USH2A: variants seen among roughly 807,000 people sequenced by gnomAD.
The protein encoded by USH2A is usherin.
Under a neutral mutation model 538.9 loss-of-function variants are expected in USH2A, and 443 were observed. The observed-to-expected ratio is 0.82, with a 90% CI of 0.76 to 0.89. The LOEUF (loss-of-function observed/expected upper bound fraction) is 0.89. USH2A is among the 40% of genes least tolerant of loss of function. The probability of loss-of-function intolerance (pLI) is 0.00; values close to 1 mark genes in which losing one functional copy is unlikely to be tolerated. For synonymous variants in USH2A, 2,413 were observed against 2,273.5 expected (o/e 1.06, Z -1.75); for missense variants, 6,633 against 6,324.8 (o/e 1.05, Z -1.65).
rs114298653 is a variant in USH2A, at chr1:215,709,270, C to T, written c.12066+18760G>A. ...TTTTCTTGATAATTTTATCTATTTC[C>T]ACTCCTTTAAAAATGTCTATTTCTA... On this transcript the variant is annotated intron_variant, in intron 61 of 71. Coordinates refer to ENST00000307340, the MANE Select transcript of USH2A (RefSeq NM_206933.4). 4.0e-3 allele frequency among the ~76,000 whole-genome samples: 609 copies of T among 152,102 alleles called. 3 individuals carry two copies. Among genetic ancestry groups the T allele is most frequent in the African/African-American group, 0.014 (579 of 41,492 alleles).
At chr1:216,082,270 C>A (rs989111952) in intron 26 of USH2A, among the ~76,000 whole-genome samples, 1 of 152,062 alleles carries the variant, frequency 6.6e-6, no homozygotes, top group Non-Finnish European at 1.5e-5. Context: ...ATAGACATTA[C>A]GTTTCAGCGA....
chr1:216,306,969 G>A (rs977488722), intron 9 of USH2A, among the ~76,000 whole-genome samples: 2 of 152,156 alleles, frequency 1.3e-5, no homozygotes, highest in Non-Finnish European at 2.9e-5. Context: ...AGGGTCCTTT[G>A]TTGTATTTTT....
At chr1:216,316,692 G>A (rs1024287593) in intron 9 of USH2A, among the ~76,000 whole-genome samples, 4 of 152,180 alleles carry the variant, frequency 2.6e-5, no homozygotes, top group African/African-American at 7.2e-5. Context: ...TGACTGGCAT[G>A]AGCTGGTATC....
intron 71 of USH2A, among the ~76,000 whole-genome samples, chr1:215,626,397 C>G (rs1479409914): frequency 6.6e-6 from 1 of 151,408 alleles, no homozygotes; most frequent in Non-Finnish European, 1.5e-5. Context: ...CTCCTGACCT[C>G]TGGTGATCTG....
intron 21 of USH2A, among the ~76,000 whole-genome samples, chr1:216,134,242 A>G (rs1253569920): frequency 6.6e-6 from 1 of 152,128 alleles, no homozygotes; most frequent in Non-Finnish European, 1.5e-5. Flanking sequence ...TTCTTCTCAT[A>G]TTTCTTATTT....
rs773106206 is a variant in USH2A at position 215,878,815 on chromosome 1, T to C, written c.8507A>G (p.Tyr2836Cys). ...TGGTGGTTGCCAAGAAATCACAACA[T>C]ATGATTCACTTAGTGGAATCACAGA... Reference protein sequence around the residue: ...PLSVIPLSESYVVISWQPPSK... With the variant: ...PLSVIPLSESCVVISWQPPSK... The change falls in exon 42 of 72, where the codon TAT becomes TGT. Residue 2836 changes from tyrosine (Y) to cysteine (C), a missense_variant. Physicochemically the swap from Tyr to Cys is radical, Grantham distance 194 (BLOSUM62 -2). Transcript: ENST00000307340. The C allele has an allele frequency of 6.2e-7, 1 of 1,614,028 alleles. No individual in the cohort carries two copies. The highest frequency in any genetic ancestry group is 8.5e-7 in the Non-Finnish European group (1 of 1,179,952).
At chr1:215,939,943 A>G (rs903634962) in intron 37 of USH2A, among the ~76,000 whole-genome samples, 1 of 152,114 alleles carries the variant, frequency 6.6e-6, no homozygotes, top group African/African-American at 2.4e-5. Flanking sequence ...GTACAGTATC[A>G]TAACACACAC....
At chr1:215,634,003 C>T (rs1180909769) in intron 70 of USH2A, among the ~76,000 whole-genome samples, 7 of 152,162 alleles carry the variant, frequency 4.6e-5, no homozygotes, top group Non-Finnish European at 1.0e-4. Flanking sequence ...GCCCCTTCCT[C>T]CCCATCTCCG....
chr1:215,935,503 C>T (rs556374087), intron 37 of USH2A, among the ~76,000 whole-genome samples: 1 of 152,066 alleles, frequency 6.6e-6, no homozygotes, highest in African/African-American at 2.4e-5. Context: ...ACTTTTAATA[C>T]ATCCTCACCC....
At chr1:216,048,736 A>C in intron 30 of USH2A, 89 bp from the exon 31 acceptor site, 1 of 1,078,504 alleles carries the variant, frequency 9.3e-7, no homozygotes, top group Non-Finnish European at 1.4e-6. Context: ...TGTGTCTATA[A>C]GAGAGAGAGA....
chr1:215,993,319 TAACA>T lies in USH2A; in HGVS notation c.6658-156_6658-153del, dbSNP rs2102476970. ...ATAAATTCATTTCAGTGTTAAGATTTAACATTTATTTAATTTGCTTTTTAAGACA... is the reference window on the plus strand; with the variant it reads ...ATAAATTCATTTCAGTGTTAAGATTTTTTATTTAATTTGCTTTTTAAGACA... On this transcript the variant is annotated intron_variant, in intron 34 of 71. Transcript: ENST00000307340. The T allele has an allele frequency of 4.0e-6, 5 of 1,243,466 alleles. No homozygotes were observed. The South Asian group carries it at 6.5e-5, about 16-fold the overall frequency. 77.0% of individuals were successfully genotyped at this position (1,243,466 alleles called of 1,614,324 possible). A position where few individuals can be genotyped will look rare whatever the true frequency, so the allele number is the denominator to read the frequency against.
intron 31 of USH2A, among the ~76,000 whole-genome samples, chr1:216,046,837 T>C (rs969913250): frequency 1.2e-4 from 19 of 152,266 alleles, no homozygotes; most frequent in Middle Eastern, 3.4e-3. Flanking sequence ...GATGCTTGTG[T>C]TACTCCACCA....
At chr1:215,878,708 C>A in intron 42 of USH2A, 56 bp downstream of exon 42, 1 of 1,566,702 alleles carries the variant, frequency 6.4e-7, no homozygotes, top group Non-Finnish European at 8.7e-7. Context: ...CATTTCCCTA[C>A]TTCTCAGAGA....
intron 3 of USH2A, among the ~76,000 whole-genome samples, chr1:216,406,892 C>G (rs1052750119): frequency 6.6e-6 from 1 of 152,120 alleles, no homozygotes; most frequent in African/African-American, 2.4e-5. Flanking sequence ...ATATCCCAGA[C>G]AAAAACAACC....
intron 49 of USH2A, among the ~76,000 whole-genome samples, chr1:215,805,160 G>A (rs921477067): frequency 2.6e-5 from 4 of 152,038 alleles, no homozygotes; most frequent in Admixed American, 2.0e-4. Context: ...GGGAGGGATA[G>A]GATTAGGAGA....
intron 15 of USH2A, among the ~76,000 whole-genome samples, chr1:216,212,464 T>C (rs1052296862): frequency 2.0e-5 from 3 of 152,200 alleles, no homozygotes; most frequent in Non-Finnish European, 4.4e-5. Flanking sequence ...GAATGGTCTT[T>C]GCATATGCCA....
At chr1:216,032,438 A>G (rs1412445274) in intron 32 of USH2A, among the ~76,000 whole-genome samples, 1 of 152,174 alleles carries the variant, frequency 6.6e-6, no homozygotes, top group Non-Finnish European at 1.5e-5. Context: ...ACAGGGTAAG[A>G]ACCATGCTTG....
intron 44 of USH2A, among the ~76,000 whole-genome samples, chr1:215,866,723 G>T (rs1356396881): frequency 6.6e-6 from 1 of 152,152 alleles, no homozygotes; most frequent in Non-Finnish European, 1.5e-5. Context: ...AGAGCAGGAG[G>T]CCCAAGAACA....
intron 21 of USH2A, among the ~76,000 whole-genome samples, chr1:216,159,020 C>G (rs1363738339): frequency 6.6e-6 from 1 of 151,972 alleles, no homozygotes; most frequent in African/African-American, 2.4e-5. Flanking sequence ...TTTTGCTATT[C>G]AATAGAAACA....
Sources: allele counts gnomAD v4.1 joint callset (sites outside exome capture counted in the v4.1 genomes callset), GRCh38; gene constraint gnomAD v4.1.1; transcripts MANE v1.5; gene names NCBI Gene and HGNC (gene_info 2026-07-23, HGNC 2026-07-21).